MGAT4C: variants seen among roughly 807,000 people sequenced by gnomAD.
The protein encoded by MGAT4C is MGAT4 family member C.
In MGAT4C, 19 loss-of-function variants were observed where a neutral mutation model predicts 40.1. The ratio of observed to expected loss-of-function variants is 0.47; its 90% confidence interval spans 0.33 to 0.70. The LOEUF (loss-of-function observed/expected upper bound fraction) is 0.70. MGAT4C is among the 30% of genes least tolerant of loss of function. MGAT4C has a pLI of 0.02. For missense variants in MGAT4C, 491 were observed against 563.2 expected, an observed-to-expected ratio of 0.87 and a Z score of 1.30; for synonymous variants, 181 against 187.1, an observed-to-expected ratio of 0.97 and a Z score of 0.27.
Position 86,536,640 on chromosome 12 carries a change from T to G in MGAT4C, c.-228-101375A>C, listed in dbSNP as rs111405153. Among the ~76,000 whole-genome samples the G allele has an allele frequency of 3.3e-3, 502 of 152,306 alleles. 1 individual carries two copies. The highest frequency in any genetic ancestry group is 0.012 in the African/African-American group (485 of 41,586). On this transcript the variant is annotated intron_variant, in intron 2 of 7. Coordinates refer to the MGAT4C transcript ENST00000548651. ...ACAAAAATTTAGTTGAGGACAATAG[T>G]ACACTTTCTAGAGAGTTTTAAGCAG...
chr12:86,077,992 G>T (rs1195378820), intron 1 of MGAT4C, among the ~76,000 whole-genome samples: 1 of 152,100 alleles, frequency 6.6e-6, no homozygotes. Flanking sequence ...TGATGGCAGC[G>T]TTCCTCCCTC....
At chr12:86,503,995 A>G (rs1318564980) in intron 2 of MGAT4C, among the ~76,000 whole-genome samples, 1 of 151,564 alleles carries the variant, frequency 6.6e-6, no homozygotes, top group Non-Finnish European at 1.5e-5. Flanking sequence ...GATATAAAAG[A>G]AGTGTGAAAA....
intron 3 of MGAT4C, among the ~76,000 whole-genome samples, chr12:86,359,059 T>C (rs1465755357): frequency 2.0e-5 from 3 of 152,126 alleles, no homozygotes; most frequent in African/African-American, 7.2e-5. Flanking sequence ...TATTCCAAAA[T>C]TGACCACATA....
chr12:86,127,287 T>C (rs1263392773), intron 1 of MGAT4C, among the ~76,000 whole-genome samples: 1 of 152,180 alleles, frequency 6.6e-6, no homozygotes, highest in African/African-American at 2.4e-5. Context: ...GTGGTAAGTA[T>C]TTGTGTATTC....
chr12:86,047,110 T>C (rs1258311690), intron 2 of MGAT4C, among the ~76,000 whole-genome samples: 1 of 152,178 alleles, frequency 6.6e-6, no homozygotes, highest in Non-Finnish European at 1.5e-5. Context: ...CCTTAATGAT[T>C]CTCAAGAAAC....
At chr12:86,724,189 T>C (rs1950784123) in intron 2 of MGAT4C, among the ~76,000 whole-genome samples, 1 of 152,192 alleles carries the variant, frequency 6.6e-6, no homozygotes, top group African/African-American at 2.4e-5. Flanking sequence ...TTATTAATTA[T>C]GGTTCAAAAT....
At chr12:86,700,234 A>T (rs73407959) in intron 2 of MGAT4C, among the ~76,000 whole-genome samples, 7,144 of 151,986 alleles carry the variant, frequency 0.047, 206 homozygotes, top group Non-Finnish European at 0.062. Flanking sequence ...GCATAAACTG[A>T]TGCATAATTT....
At chr12:86,577,188 G>A (rs369720446) in intron 2 of MGAT4C, among the ~76,000 whole-genome samples, 17 of 151,772 alleles carry the variant, frequency 1.1e-4, no homozygotes, top group African/African-American at 1.9e-4. Context: ...GAATTTATCC[G>A]TTCTAATAGT....
At chr12:86,827,183 G>C (rs1285010123) in intron 1 of MGAT4C, among the ~76,000 whole-genome samples, 1 of 151,320 alleles carries the variant, frequency 6.6e-6, no homozygotes, top group Non-Finnish European at 1.5e-5. Flanking sequence ...CCAAGTAAAG[G>C]CTGGCCATAT....
chr12:86,371,487 C>A (rs1955713516), intron 3 of MGAT4C, among the ~76,000 whole-genome samples: 1 of 152,036 alleles, frequency 6.6e-6, no homozygotes, highest in African/African-American at 2.4e-5. Context: ...GGGAGAATCT[C>A]AAAACCCTAA....
chr12:86,820,469 C>G (rs1252651736), intron 1 of MGAT4C, among the ~76,000 whole-genome samples: 1 of 150,760 alleles, frequency 6.6e-6, no homozygotes, highest in Admixed American at 6.6e-5. Context: ...ATTTCATGGG[C>G]TAAAACAAAT....
chr12:86,823,585 T>A (rs1373728954), intron 1 of MGAT4C, among the ~76,000 whole-genome samples: 1 of 149,274 alleles, frequency 6.7e-6, no homozygotes. Flanking sequence ...AGGGAAAGAG[T>A]AAAATACAAT....
intron 2 of MGAT4C, among the ~76,000 whole-genome samples, chr12:86,497,975 T>G (rs966189151): frequency 1.4e-5 from 2 of 145,132 alleles, no homozygotes; most frequent in African/African-American, 2.5e-5. Context: ...AAATATATAT[T>G]ATATATATAA....
intron 2 of MGAT4C, among the ~76,000 whole-genome samples, chr12:86,442,840 T>C (rs1204023009): frequency 2.0e-5 from 3 of 151,300 alleles, no homozygotes; most frequent in African/African-American, 7.3e-5. Context: ...CAAATTGCCA[T>C]GGTCACCCCA....
chr12:86,289,667 A>G (rs1953454195), intron 4 of MGAT4C, among the ~76,000 whole-genome samples: 1 of 152,032 alleles, frequency 6.6e-6, no homozygotes, highest in South Asian at 2.1e-4. Context: ...TTTTGTGGCT[A>G]TTGCGAGTGG....
chr12:86,154,204 C>A (rs928545039), intron 1 of MGAT4C, among the ~76,000 whole-genome samples: 1 of 152,066 alleles, frequency 6.6e-6, no homozygotes, highest in Non-Finnish European at 1.5e-5. Flanking sequence ...CAGTTCTCCC[C>A]CCACCATTTC....
At chr12:86,568,796 T>C (rs140821008) in intron 2 of MGAT4C, among the ~76,000 whole-genome samples, 1 of 151,970 alleles carries the variant, frequency 6.6e-6, no homozygotes, top group Non-Finnish European at 1.5e-5. Flanking sequence ...CAACTGATTT[T>C]TAACAAAGGC....
intron 2 of MGAT4C, among the ~76,000 whole-genome samples, chr12:86,555,064 A>G (rs1158361888): frequency 6.6e-6 from 1 of 151,722 alleles, no homozygotes; most frequent in Non-Finnish European, 1.5e-5. Context: ...TTTTCATCTG[A>G]CACTCCTGCC....
At chr12:86,261,086 T>A (rs1222050218), upstream of MGAT4C, among the ~76,000 whole-genome samples, 2 of 152,092 alleles carry the variant, frequency 1.3e-5, no homozygotes, top group Non-Finnish European at 2.9e-5. Context: ...TAAAACTGTG[T>A]CTGAGAGAAG....
Sources: gnomAD v4.1 joint callset for allele counts (sites outside exome capture counted in the v4.1 genomes callset) on GRCh38, gnomAD v4.1.1 for gene constraint, MANE v1.5 for transcripts, NCBI Gene and HGNC (gene_info 2026-07-23, HGNC 2026-07-21) for gene names.